FAM13A: variants seen among roughly 807,000 people sequenced by gnomAD.
FAM13A encodes the protein family with sequence similarity 13 member A, also known as protein FAM13A.
In FAM13A, 76 loss-of-function variants were observed where a neutral mutation model predicts 129.6. The ratio of observed to expected loss-of-function variants is 0.59; its 90% confidence interval spans 0.49 to 0.71. FAM13A has a LOEUF of 0.71. Among genes scored for constraint, FAM13A ranks in the 30% least tolerant of loss-of-function variants. The probability of loss-of-function intolerance (pLI) is 0.00; values close to 1 mark genes in which losing one functional copy is unlikely to be tolerated. For missense variants in FAM13A, 1,108 were observed against 1,249.3 expected, an observed-to-expected ratio of 0.89 and a Z score of 1.70; for synonymous variants, 443 against 449.9, an observed-to-expected ratio of 0.98 and a Z score of 0.20.
chr4:88,946,944 A>G (rs951291143), intron 4 of FAM13A, among the ~76,000 whole-genome samples: 3 of 152,168 alleles, frequency 2.0e-5, no homozygotes, highest in Admixed American at 2.0e-4. Context: ...CCTATGAAGG[A>G]CATGTTGAAA....
At chr4:88,986,741 AT>A (rs1457323706) in intron 4 of FAM13A, among the ~76,000 whole-genome samples, 1 of 152,210 alleles carries the variant, frequency 6.6e-6, no homozygotes, top group Non-Finnish European at 1.5e-5. Flanking sequence ...AAATATTCTT[AT>A]TTTTTAGGAA....
intron 4 of FAM13A, among the ~76,000 whole-genome samples, chr4:88,958,666 ACTT>A (rs1280140422): frequency 6.6e-6 from 1 of 152,180 alleles, no homozygotes; most frequent in Admixed American, 6.5e-5. Context: ...CTCAGAGAGA[ACTT>A]CTACTAGGAC....
At chr4:88,847,846 A>T (rs1393550551) in intron 7 of FAM13A, among the ~76,000 whole-genome samples, 2 of 152,144 alleles carry the variant, frequency 1.3e-5, no homozygotes, top group Non-Finnish European at 2.9e-5. Context: ...CTGAGGCAGG[A>T]GAATGGCGTG....
At chr4:89,041,835 G>T (rs1217732632) in intron 1 of FAM13A, among the ~76,000 whole-genome samples, 1 of 151,972 alleles carries the variant, frequency 6.6e-6, no homozygotes, top group South Asian at 2.1e-4. Context: ...CACAAGAATT[G>T]CTTGAACCTG....
chr4:88,916,324 G>C (rs940140929), intron 5 of FAM13A, among the ~76,000 whole-genome samples: 2 of 152,132 alleles, frequency 1.3e-5, no homozygotes, highest in Non-Finnish European at 2.9e-5. Context: ...ATCCAATATA[G>C]AGTTTTCCTT....
Position 88,750,715 on chromosome 4 carries a change from AG to A in FAM13A, c.1727-79del, listed in dbSNP as rs1157278991. ...GTTCTTTAAAACACAAGTGTTTCCC[AG>A]GCTTCCCAGATGCTTTAGGAAGCTG... On this transcript the variant is annotated intron_variant, in intron 14 of 23. Transcript: ENST00000264344. The A allele has an allele frequency of 1.0e-5, 11 of 1,085,578 alleles. No homozygotes were observed. In the East Asian group the frequency reaches 2.5e-4, roughly 24 times the overall value. 67.2% of individuals were successfully genotyped at this position (1,085,578 alleles called of 1,614,324 possible).
intron 7 of FAM13A, among the ~76,000 whole-genome samples, chr4:88,814,545 C>G (rs1184950696): frequency 6.6e-6 from 1 of 152,092 alleles, no homozygotes; most frequent in African/African-American, 2.4e-5. Flanking sequence ...GGGTTTCTAT[C>G]AAATCAAGGA....
At chr4:88,920,705 A>G (rs1561339181) in intron 5 of FAM13A, among the ~76,000 whole-genome samples, 1 of 152,222 alleles carries the variant, frequency 6.6e-6, no homozygotes, top group Non-Finnish European at 1.5e-5. Flanking sequence ...GACGGAGAAC[A>G]ACTTTGACGA....
At chr4:88,929,705 G>A (rs555512433) in intron 5 of FAM13A, among the ~76,000 whole-genome samples, 1 of 151,686 alleles carries the variant, frequency 6.6e-6, no homozygotes, top group East Asian at 1.9e-4. Context: ...TTCTGTATTT[G>A]CTTCAGTGCA....
chr4:88,782,297 TA>T (rs201820075), intron 10 of FAM13A, among the ~76,000 whole-genome samples: 147 of 144,270 alleles, frequency 1.0e-3, no homozygotes, highest in Middle Eastern at 3.5e-3. Flanking sequence ...CAAACTGAGT[TA>T]AAAAAAAAAA....
intron 19 of FAM13A, among the ~76,000 whole-genome samples, chr4:88,744,037 T>C (rs545127264): frequency 6.6e-6 from 1 of 152,266 alleles, no homozygotes; most frequent in South Asian, 2.1e-4. Context: ...GTTATCATAA[T>C]AGACAGTAAA....
rs189945318 is a variant in FAM13A, at chr4:89,052,121, T to C, written c.27+4817A>G. 4.6e-5 allele frequency among the ~76,000 whole-genome samples: 7 copies of C among 152,202 alleles called. No individual in the cohort carries two copies. The East Asian group carries it at 1.4e-3, about 30-fold the overall frequency. On this transcript the variant is annotated intron_variant, in intron 1 of 23. Transcript: ENST00000264344. ...GCTCTATGTGGTCACTAAAGTTTGC[T>C]GCCTGTACCCTTTGGAAGGGCAGCC...
chr4:89,037,468 A>C (rs1769537009), intron 1 of FAM13A, among the ~76,000 whole-genome samples: 1 of 151,318 alleles, frequency 6.6e-6, no homozygotes, highest in Non-Finnish European at 1.5e-5. Flanking sequence ...CTAACTTGGT[A>C]AAAAAAACAA....
intron 1 of FAM13A, among the ~76,000 whole-genome samples, chr4:89,056,554 A>C (rs1248506102): frequency 6.6e-6 from 1 of 152,202 alleles, no homozygotes; most frequent in Non-Finnish European, 1.5e-5. Context: ...AAAAGTAATA[A>C]ATTAATGGTT....
chr4:88,986,136 CTT>C (rs751565027), intron 4 of FAM13A, among the ~76,000 whole-genome samples: 10 of 142,432 alleles, frequency 7.0e-5, no homozygotes, highest in Non-Finnish European at 1.1e-4. Flanking sequence ...ATAATTTTCA[CTT>C]TTTTTTTTTT....
At chr4:88,924,839 A>G (rs1303895682) in intron 5 of FAM13A, among the ~76,000 whole-genome samples, 1 of 151,504 alleles carries the variant, frequency 6.6e-6, no homozygotes, top group East Asian at 1.9e-4. Flanking sequence ...ATCTACAATG[A>G]ACTCAAACAA....
At position 88,788,033 on chromosome 4, in the gene FAM13A, G is replaced by T. The variant is rs532145383; in HGVS notation, c.1092-101C>A. The T allele has an allele frequency of 7.6e-5, 66 of 872,030 alleles. 1 individual carries two copies. The South Asian group carries it at 1.3e-3, about 17-fold the overall frequency. 54.0% of individuals were successfully genotyped at this position (872,030 alleles called of 1,614,324 possible). On this transcript the variant is annotated intron_variant, in intron 9 of 23. Coordinates refer to ENST00000264344, the MANE Select transcript of FAM13A (RefSeq NM_014883.4). ...TTTTGGGAACATCTGTATTTCCAGT[G>T]GAAAGTCTTTAGAACTTCATAAGCA...
intron 4 of FAM13A, among the ~76,000 whole-genome samples, chr4:88,963,638 T>C (rs1489497684): frequency 6.6e-6 from 1 of 152,180 alleles, no homozygotes; most frequent in African/African-American, 2.4e-5. Flanking sequence ...AATACCTCTA[T>C]AGAATGGCTG....
chr4:88,883,843 C>T (rs1421367188), intron 6 of FAM13A, among the ~76,000 whole-genome samples: 1 of 151,782 alleles, frequency 6.6e-6, no homozygotes, highest in Non-Finnish European at 1.5e-5. Flanking sequence ...ATTGAAATTA[C>T]CACAGAAATA....
Sources: gnomAD v4.1 joint callset for allele counts (sites outside exome capture counted in the v4.1 genomes callset) on GRCh38, gnomAD v4.1.1 for gene constraint, MANE v1.5 for transcripts, NCBI Gene and HGNC (gene_info 2026-07-23, HGNC 2026-07-21) for gene names.